The following OPHN1 variants were observed in gnomAD, a reference collection of about 807,000 sequenced individuals.
OPHN1 encodes oligophrenin-1.
Under a neutral mutation model 60.7 loss-of-function variants are expected in OPHN1, and 11 were observed. That is an observed-to-expected ratio of 0.18 (90% CI 0.11 to 0.30). OPHN1 has a LOEUF of 0.30. OPHN1 is among the 10% of genes least tolerant of loss of function. The pLI is 1.00. For synonymous variants in OPHN1, 226 were observed against 222.6 expected, an observed-to-expected ratio of 1.02 and a Z score of -0.14; for missense variants, 449 against 611.0, an observed-to-expected ratio of 0.73 and a Z score of 2.80.
intron 2 of OPHN1, among the ~76,000 whole-genome samples, chrX:68,323,435 C>A (rs1262564864): frequency 9.0e-6 from 1 of 111,555 alleles, no homozygotes; most frequent in Non-Finnish European, 1.9e-5. Flanking sequence ...TGCATACCCC[C>A]CTACACACAC....
intron 7 of OPHN1, among the ~76,000 whole-genome samples, chrX:68,212,580 CA>C (rs952440947): frequency 9.0e-6 from 1 of 110,619 alleles, no homozygotes; most frequent in African/African-American, 3.3e-5. Context: ...GAGACTGTCT[CA>C]AAAAAACAAA....
At chrX:68,321,612 G>A (rs964576890) in intron 2 of OPHN1, among the ~76,000 whole-genome samples, 2 of 111,967 alleles carry the variant, frequency 1.8e-5, no homozygotes, top group African/African-American at 6.5e-5. Context: ...TAAGCTATGA[G>A]GACTCAAAGG....
At chrX:68,192,145 T>A (rs1295746387) in intron 15 of OPHN1, among the ~76,000 whole-genome samples, 15 of 109,558 alleles carry the variant, frequency 1.4e-4, no homozygotes. Context: ...AAACACACAG[T>A]CAAGGTGTAA....
chrX:68,273,515 G>A (rs773696870), intron 5 of OPHN1, among the ~76,000 whole-genome samples: 2 of 112,285 alleles, frequency 1.8e-5, no homozygotes, highest in Non-Finnish European at 3.8e-5. Context: ...CTGGCACTCA[G>A]TATTGTCCAA....
chrX:68,432,257 A>T (rs183454445), intron 2 of OPHN1, among the ~76,000 whole-genome samples: 9 of 111,688 alleles, frequency 8.1e-5, no homozygotes. Flanking sequence ...CTCAAGCAGA[A>T]TTCAGTGGCA....
intron 4 of OPHN1, among the ~76,000 whole-genome samples, chrX:68,276,737 C>T (rs1320149099): frequency 3.6e-5 from 4 of 111,007 alleles, no homozygotes; most frequent in African/African-American, 9.8e-5. Flanking sequence ...CCAGAAGTAA[C>T]ACTCTGTGAC....
chrX:68,114,181 G>GT (rs2077117739), intron 16 of OPHN1, among the ~76,000 whole-genome samples: 1 of 110,690 alleles, frequency 9.0e-6, no homozygotes, highest in Admixed American at 9.6e-5. Flanking sequence ...CTCAGAGGAA[G>GT]TAAGTAATCA....
At chrX:68,302,003 C>T (rs1045728812) in intron 2 of OPHN1, among the ~76,000 whole-genome samples, 1 of 112,487 alleles carries the variant, frequency 8.9e-6, no homozygotes, top group African/African-American at 3.2e-5. Context: ...TCCTTTGTAT[C>T]GGACTCATTT....
intron 2 of OPHN1, among the ~76,000 whole-genome samples, chrX:68,403,790 G>A (rs189650480): frequency 9.1e-6 from 1 of 110,014 alleles, no homozygotes; most frequent in Admixed American, 9.9e-5. Flanking sequence ...GCAGCATTCT[G>A]AACTCAGGTA....
chrX:68,056,702 A>C (rs1293369013), intron 21 of OPHN1, among the ~76,000 whole-genome samples: 1 of 111,331 alleles, frequency 9.0e-6, no homozygotes, highest in East Asian at 2.8e-4. Flanking sequence ...AGCTTGAGAG[A>C]GATGAATAAA....
chrX:68,351,401 G>A (rs2078409824), intron 2 of OPHN1, among the ~76,000 whole-genome samples: 1 of 111,726 alleles, frequency 9.0e-6, no homozygotes, highest in Non-Finnish European at 1.9e-5. Flanking sequence ...CGATTTATCT[G>A]TATATGATAC....
chrX:68,401,107 CCTT>C (rs2078712293), intron 2 of OPHN1, among the ~76,000 whole-genome samples: 1 of 111,545 alleles, frequency 9.0e-6, no homozygotes, highest in Admixed American at 9.6e-5. Flanking sequence ...CCAGGCACCA[CCTT>C]CAACATTGGG....
chrX:68,048,543 C>A, intron 23 of OPHN1, 86 bp from the exon 24 acceptor site: 1 of 848,984 alleles, frequency 1.2e-6, no homozygotes, highest in Admixed American at 2.3e-5. Context: ...ACTTCTAGGC[C>A]AGTGCTAAAG....
intron 15 of OPHN1, chrX:68,133,368 G>T: frequency 2.6e-6 from 2 of 774,858 alleles, no homozygotes; most frequent in South Asian, 4.2e-5. Flanking sequence ...CAATATGAAT[G>T]AATCTTTTGT....
intron 19 of OPHN1, among the ~76,000 whole-genome samples, chrX:68,094,376 T>C (rs1381075733): frequency 8.9e-6 from 1 of 111,888 alleles, no homozygotes; most frequent in Non-Finnish European, 1.9e-5. Flanking sequence ...CAGTTTATTA[T>C]TTTTCAAAAT....
intron 15 of OPHN1, among the ~76,000 whole-genome samples, chrX:68,140,477 G>T (rs981139391): frequency 1.8e-5 from 2 of 111,441 alleles, no homozygotes; most frequent in Non-Finnish European, 3.8e-5. Flanking sequence ...ACTCATGAGA[G>T]GCCAGCATAA....
At chrX:68,328,497 A>G (rs1206814200) in intron 2 of OPHN1, among the ~76,000 whole-genome samples, 1 of 112,701 alleles carries the variant, frequency 8.9e-6, no homozygotes, top group Admixed American at 9.5e-5. Flanking sequence ...AATTTCTTAA[A>G]TAAGATGCAA....
intron 2 of OPHN1, among the ~76,000 whole-genome samples, chrX:68,323,048 G>T (rs762672447): frequency 9.0e-6 from 1 of 111,384 alleles, no homozygotes; most frequent in African/African-American, 3.3e-5. Flanking sequence ...TGAATATAAA[G>T]GGGTAGCATG....
intron 15 of OPHN1, among the ~76,000 whole-genome samples, chrX:68,139,732 A>G (rs972608162): frequency 8.9e-6 from 1 of 112,231 alleles, no homozygotes; most frequent in African/African-American, 3.2e-5. Flanking sequence ...AAATTTACTA[A>G]ACAAATGCAA....
Sources: gnomAD v4.1 joint callset for allele counts (sites outside exome capture counted in the v4.1 genomes callset) on GRCh38, gnomAD v4.1.1 for gene constraint, MANE v1.5 for transcripts, NCBI Gene and HGNC (gene_info 2026-07-23, HGNC 2026-07-21) for gene names.